ATP13A3: variants seen among roughly 807,000 people sequenced by gnomAD.
ATP13A3 encodes the protein polyamine-transporting ATPase 13A3.
ATP13A3 carries 59 observed loss-of-function variants against 158.1 expected under a neutral mutation model. The observed-to-expected ratio is 0.37, with a 90% confidence interval of 0.30 to 0.46. The LOEUF (loss-of-function observed/expected upper bound fraction) is 0.46. Among genes scored for constraint, ATP13A3 ranks in the 20% least tolerant of loss-of-function variants. The probability of loss-of-function intolerance (pLI) is 1.00; values close to 1 mark genes in which losing one functional copy is unlikely to be tolerated. For missense variants in ATP13A3, 1,166 were observed against 1,525.2 expected, an observed-to-expected ratio of 0.76 and a Z score of 3.92; for synonymous variants, 491 against 504.3, an observed-to-expected ratio of 0.97 and a Z score of 0.35.
At chr3:194,412,099 A>G (rs1167406635) in intron 33 of ATP13A3, 100 bp downstream of exon 33, 3 of 940,878 alleles carry the variant, frequency 3.2e-6, no homozygotes, top group African/African-American at 1.6e-5. Context: ...ACGCTAGAGA[A>G]TAACACATAA....
At chr3:194,479,515 A>G (rs1482060039) in intron 2 of ATP13A3, among the ~76,000 whole-genome samples, 1 of 152,078 alleles carries the variant, frequency 6.6e-6, no homozygotes, top group African/African-American at 2.4e-5. Flanking sequence ...AAAACTGGTG[A>G]CTTAAGAAGC....
At chr3:194,444,448 CTTAT>C (rs1215969202) in intron 15 of ATP13A3, among the ~76,000 whole-genome samples, 1 of 152,078 alleles carries the variant, frequency 6.6e-6, no homozygotes, top group African/African-American at 2.4e-5. Flanking sequence ...TTCATGGATA[CTTAT>C]TTATAGATTT....
In ATP13A3 at chr3:194,450,167, A is replaced by T; in HGVS notation, c.948T>A (p.Ile316=). The T allele has an allele frequency of 6.2e-7, 1 of 1,613,994 alleles. No individual in the cohort carries two copies. Among genetic ancestry groups the T allele is most frequent in the Middle Eastern group, 1.7e-4 (1 of 6,060 alleles). ...CDAVLINGTC[I]VNESMLTGES... is the part of the protein sequence containing the mutation. Reference sequence around the variant, plus strand: ...TACCTGTTAACATGCTTTCGTTTACAATGCAGGTACCATTAATAAGCACAG... The same window carrying T: ...TACCTGTTAACATGCTTTCGTTTACTATGCAGGTACCATTAATAAGCACAG... The change falls in exon 11 of 34, where the codon ATT becomes ATA. Residue 316 remains isoleucine, a synonymous_variant. Transcript: ENST00000645319.
At chr3:194,473,161 T>A (rs565879094) in intron 2 of ATP13A3, among the ~76,000 whole-genome samples, 3 of 152,268 alleles carry the variant, frequency 2.0e-5, no homozygotes, top group African/African-American at 7.2e-5. Context: ...GAAATTTCAA[T>A]GAGAAATTAT....
rs189690244 is a variant in ATP13A3, at chr3:194,454,179, T to G, written c.765+79A>C. On this transcript the variant is annotated intron_variant, in intron 9 of 33. Transcript: ENST00000645319. ...ACTGCATTGAGAATTTACTTTGTGC[T>G]GAGTACTATTCTACACACATTAGAT... is the stretch of plus-strand genomic sequence containing the variant. The G allele has an allele frequency of 4.9e-5, 65 of 1,323,718 alleles. No homozygotes were observed. In the African/African-American group the frequency reaches 8.6e-4, roughly 17 times the overall value. The allele number at this position is 1,323,718 out of a possible 1,614,324, so 82.0% of individuals were successfully genotyped here. A position where few individuals can be genotyped will look rare whatever the true frequency, so the allele number is the denominator to read the frequency against.
At chr3:194,486,406 C>T (rs1326371233) in intron 1 of ATP13A3, among the ~76,000 whole-genome samples, 160 bp downstream of exon 1, 2 of 151,892 alleles carry the variant, frequency 1.3e-5, no homozygotes, top group South Asian at 4.1e-4. Context: ...GGCTCCTGCC[C>T]TGGCCTCACC....
At chr3:194,415,977 C>A (rs986957393) in intron 31 of ATP13A3, among the ~76,000 whole-genome samples, 3 of 152,204 alleles carry the variant, frequency 2.0e-5, no homozygotes, top group Non-Finnish European at 4.4e-5. Flanking sequence ...TGATCTCATT[C>A]ATGCAGAGGC....
At chr3:194,411,463 G>A (rs1715422191) in intron 33 of ATP13A3, among the ~76,000 whole-genome samples, 1 of 152,058 alleles carries the variant, frequency 6.6e-6, no homozygotes, top group South Asian at 2.1e-4. Context: ...TCATAGGATG[G>A]GTTTAAAAAA....
intron 8 of ATP13A3, among the ~76,000 whole-genome samples, chr3:194,454,632 C>T (rs1719076206): frequency 7.1e-6 from 1 of 141,138 alleles, no homozygotes; most frequent in African/African-American, 2.6e-5. Flanking sequence ...ATCAAAACAT[C>T]CTGGCTAACA....
chr3:194,465,557 G>A (rs1473826881), intron 2 of ATP13A3, among the ~76,000 whole-genome samples: 1 of 152,176 alleles, frequency 6.6e-6, no homozygotes, highest in African/African-American at 2.4e-5. Flanking sequence ...AAGGAATCAG[G>A]AAGGGTATTC....
intron 15 of ATP13A3, among the ~76,000 whole-genome samples, chr3:194,443,558 T>A (rs1394379011): frequency 6.6e-6 from 1 of 152,074 alleles, no homozygotes. Context: ...TATATAATTA[T>A]AAGACAAAAC....
At chr3:194,485,451 C>T (rs941687007) in intron 2 of ATP13A3, among the ~76,000 whole-genome samples, 2 of 152,152 alleles carry the variant, frequency 1.3e-5, no homozygotes, top group African/African-American at 4.8e-5. Context: ...GAGCTCTAAC[C>T]AAAGATAGAG....
chr3:194,406,539 T>C (rs1183929397), intron 33 of ATP13A3, among the ~76,000 whole-genome samples: 1 of 152,238 alleles, frequency 6.6e-6, no homozygotes, highest in East Asian at 1.9e-4. Flanking sequence ...TAATACCTTT[T>C]AAATAACTTG....
chr3:194,417,498 CAAT>C (rs1035657549), intron 31 of ATP13A3, among the ~76,000 whole-genome samples: 2 of 150,160 alleles, frequency 1.3e-5, no homozygotes, highest in African/African-American at 2.5e-5. Flanking sequence ...TGATGAACAA[CAAT>C]GTGAGAGGGG....
Position 194,425,472 on chromosome 3 carries a change from G to A in ATP13A3, c.3183C>T (p.Thr1061=), listed in dbSNP as rs1478133705. Residue 1061 remains threonine (T), a synonymous_variant, in exon 30 of 34, where the codon ACC becomes ACT. Transcript: ENST00000645319. ...TTTGTATATTATGTTCATCAAGTTC[G>A]GTTTCATTGTCTACGTGTGAAGAAT... ...FWNSSHVDNE[T]ELDEHNIQNY... 3.7e-6 allele frequency: 6 copies of A among 1,613,588 alleles called. No homozygotes were observed. Among genetic ancestry groups the A allele is most frequent in the East Asian group, 2.2e-5 (1 of 44,848 alleles).
intron 14 of ATP13A3, among the ~76,000 whole-genome samples, chr3:194,445,587 CTT>C (rs1560094524): frequency 6.6e-6 from 1 of 152,268 alleles, no homozygotes; most frequent in East Asian, 1.9e-4. Context: ...CTTTTCTCCA[CTT>C]TTGTCTTAAA....
intron 2 of ATP13A3, among the ~76,000 whole-genome samples, chr3:194,469,367 G>A (rs941198998): frequency 1.3e-5 from 2 of 151,962 alleles, no homozygotes; most frequent in Non-Finnish European, 2.9e-5. Context: ...GGCTGAGGCA[G>A]GAGAATTGCT....
chr3:194,489,440 T>C (rs867136342), upstream of ATP13A3, among the ~76,000 whole-genome samples: 48 of 150,858 alleles, frequency 3.2e-4, no homozygotes, highest in Non-Finnish European at 2.5e-4. This position sits in a 1 kb window ranked among gnomAD's most constrained non-coding sequence, Gnocchi z 4.1. Context: ...CAAAACTCCA[T>C]CTAAAAAAAA....
intron 2 of ATP13A3, among the ~76,000 whole-genome samples, chr3:194,477,514 G>C (rs776946636): frequency 1.3e-5 from 2 of 152,098 alleles, no homozygotes; most frequent in Non-Finnish European, 2.9e-5. Flanking sequence ...AGGTCCCTTA[G>C]TGACCTCATG....
Sources: allele counts gnomAD v4.1 joint callset (sites outside exome capture counted in the v4.1 genomes callset), GRCh38; gene constraint gnomAD v4.1.1; non-coding constraint Gnocchi (gnomAD v3.1); transcripts MANE v1.5; gene names NCBI Gene and HGNC (gene_info 2026-07-23, HGNC 2026-07-21).